Variants in SERPINI1 observed in about 807,000 individuals in gnomAD.
The protein encoded by SERPINI1 is serpin family I member 1, also known as neuroserpin.
A neutral mutation model predicts 41.1 loss-of-function variants in SERPINI1; 19 were observed. The ratio of observed to expected loss-of-function variants is 0.46; its 90% CI spans 0.32 to 0.68. The LOEUF is 0.68. SERPINI1 is among the 30% of genes least tolerant of loss of function. SERPINI1 has a pLI of 0.03. For missense variants in SERPINI1, 460 were observed against 479.2 expected, an observed-to-expected ratio of 0.96 and a Z score of 0.37; for synonymous variants, 138 against 156.6, an observed-to-expected ratio of 0.88 and a Z score of 0.89.
At chr3:167,772,197 C>T (rs1726779528) in intron 1 of SERPINI1, among the ~76,000 whole-genome samples, 1 of 152,178 alleles carries the variant, frequency 6.6e-6, no homozygotes, top group African/African-American at 2.4e-5. Flanking sequence ...GTTATTCCAT[C>T]TCCACAGATC....
chr3:167,752,196 A>G (rs1013393447), intron 1 of SERPINI1, among the ~76,000 whole-genome samples: 1 of 152,152 alleles, frequency 6.6e-6, no homozygotes, highest in Non-Finnish European at 1.5e-5. Flanking sequence ...CAAAAACTCT[A>G]ATCCAAATGT....
At chr3:167,759,432 G>A in intron 1 of SERPINI1, among the ~76,000 whole-genome samples, 1 of 101,330 alleles carries the variant, frequency 9.9e-6, no homozygotes, top group Non-Finnish European at 2.2e-5. Flanking sequence ...GCGCCATGCA[G>A]TACTATGCAG....
chr3:167,773,914 C>T (rs7613321), intron 1 of SERPINI1, among the ~76,000 whole-genome samples: 19,482 of 151,988 alleles, frequency 0.13, 1,518 homozygotes, highest in African/African-American at 0.21. Context: ...ACTTAATTTC[C>T]CCAGGGTAAA....
At chr3:167,744,771 A>G (rs1725805669) in intron 1 of SERPINI1, among the ~76,000 whole-genome samples, 1 of 71,398 alleles carries the variant, frequency 1.4e-5, no homozygotes, top group Non-Finnish European at 3.1e-5. Context: ...TTAAATATAT[A>G]TTATATATAA....
At chr3:167,791,393 T>G (rs1332083981) in intron 3 of SERPINI1, among the ~76,000 whole-genome samples, 3 of 152,092 alleles carry the variant, frequency 2.0e-5, no homozygotes, top group African/African-American at 7.2e-5. Flanking sequence ...TCCCTTAATC[T>G]CCAAGATGTA....
chr3:167,742,481 T>C (rs1196604181), intron 1 of SERPINI1, among the ~76,000 whole-genome samples: 1 of 152,208 alleles, frequency 6.6e-6, no homozygotes, highest in African/African-American at 2.4e-5. Flanking sequence ...CAGATGCCTC[T>C]GTTGATCCAG....
At chr3:167,824,890 T>A (rs1171613127) in intron 8 of SERPINI1, among the ~76,000 whole-genome samples, 3 of 151,948 alleles carry the variant, frequency 2.0e-5, no homozygotes, top group Admixed American at 6.6e-5. Flanking sequence ...ATAAAATTTT[T>A]AAAAAATTAG....
chr3:167,793,170 A>G (rs1727586068), intron 4 of SERPINI1, among the ~76,000 whole-genome samples: 1 of 152,174 alleles, frequency 6.6e-6, no homozygotes, highest in Non-Finnish European at 1.5e-5. Flanking sequence ...TTCTTCTTAT[A>G]CAAAGACTTT....
chr3:167,738,303 C>T (rs1725550892), intron 1 of SERPINI1, among the ~76,000 whole-genome samples: 1 of 152,110 alleles, frequency 6.6e-6, no homozygotes, highest in African/African-American at 2.4e-5. Context: ...AGCCAAAAAC[C>T]TTGGTTAATT....
chr3:167,772,753 C>G (rs1726801657), intron 1 of SERPINI1, among the ~76,000 whole-genome samples: 1 of 147,942 alleles, frequency 6.8e-6, no homozygotes, highest in African/African-American at 2.5e-5. Flanking sequence ...ATAGTATCAG[C>G]TGCTCAGGAA....
chr3:167,804,602 G>C (rs557493780), intron 5 of SERPINI1, among the ~76,000 whole-genome samples: 1 of 152,220 alleles, frequency 6.6e-6, no homozygotes, highest in Admixed American at 6.5e-5. Flanking sequence ...GGAGGCCAAG[G>C]CAGGAAGATT....
chr3:167,799,442 C>T (rs975766435), intron 5 of SERPINI1, among the ~76,000 whole-genome samples: 3 of 152,154 alleles, frequency 2.0e-5, no homozygotes, highest in African/African-American at 7.2e-5. Flanking sequence ...CAGTCTATCA[C>T]TGATGGACAT....
intron 5 of SERPINI1, among the ~76,000 whole-genome samples, chr3:167,803,844 A>G (rs964048304): frequency 2.6e-5 from 4 of 152,178 alleles, no homozygotes; most frequent in East Asian, 1.9e-4. Flanking sequence ...TATACAGGTT[A>G]TTTCATCTTT....
intron 1 of SERPINI1, among the ~76,000 whole-genome samples, chr3:167,765,318 A>G (rs1577405896): frequency 6.6e-6 from 1 of 152,324 alleles, no homozygotes; most frequent in South Asian, 2.1e-4. Flanking sequence ...CCCAAATCTC[A>G]ATTCTTGACT....
intron 1 of SERPINI1, among the ~76,000 whole-genome samples, chr3:167,771,113 C>A (rs1039942592): frequency 1.3e-5 from 2 of 152,118 alleles, no homozygotes; most frequent in African/African-American, 4.8e-5. Context: ...GGCAATTTGA[C>A]AGTATTTATC....
At chr3:167,767,782 G>A (rs1726612377) in intron 1 of SERPINI1, among the ~76,000 whole-genome samples, 2 of 152,176 alleles carry the variant, frequency 1.3e-5, no homozygotes, top group Admixed American at 1.3e-4. Flanking sequence ...AGTAACTGTG[G>A]ATATGGAAGA....
At chr3:167,823,334 G>A (rs1165984943) in intron 7 of SERPINI1, among the ~76,000 whole-genome samples, 1 of 152,160 alleles carries the variant, frequency 6.6e-6, no homozygotes, top group East Asian at 1.9e-4. Context: ...TGCGAAAATA[G>A]ATTTTTTCTG....
chr3:167,806,866 AT>A lies in SERPINI1; in HGVS notation c.882-377del, dbSNP rs1011397265. On this transcript the variant is annotated intron_variant, in intron 5 of 8. Transcript: ENST00000446050. ...AGTCATCTCCAGCTTAAAAAAAAAA[AT>A]AAAATATATTACTACTAGGTCAAAG... Among the ~76,000 whole-genome samples, 15 of 138,816 alleles carry A rather than the reference AT, an allele frequency of 1.1e-4. No homozygotes were observed. In the East Asian group the frequency reaches 1.8e-3, roughly 16 times the overall value. The allele number at this position is 138,816 out of a possible 152,430, so 91.1% of individuals were successfully genotyped here. A position where few individuals can be genotyped will look rare whatever the true frequency, so the allele number is the denominator to read the frequency against.
intron 1 of SERPINI1, among the ~76,000 whole-genome samples, chr3:167,759,400 G>GTATATATATATATATATATATA (rs71753556): frequency 0.044 from 5,270 of 119,298 alleles, 297 homozygotes; most frequent in Non-Finnish European, 0.053. Flanking sequence ...AGAAAATGTG[G>GTATATATATATATATATATATA]TATATATATA....
Sources: gnomAD v4.1 joint callset for allele counts (sites outside exome capture counted in the v4.1 genomes callset) on GRCh38, gnomAD v4.1.1 for gene constraint, MANE v1.5 for transcripts, NCBI Gene and HGNC (gene_info 2026-07-23, HGNC 2026-07-21) for gene names.